BCR: variants seen among roughly 807,000 people sequenced by gnomAD.
BCR encodes the protein breakpoint cluster region protein.
BCR carries 58 observed loss-of-function variants against 138.6 expected under a neutral mutation model. The ratio of observed to expected loss-of-function variants is 0.42; its 90% CI spans 0.34 to 0.52. The LOEUF (loss-of-function observed/expected upper bound fraction) is 0.52, where lower values mean the gene tolerates loss of function less well. BCR is among the 20% of genes least tolerant of loss of function. The probability of loss-of-function intolerance (pLI) is 0.06; values close to 1 mark genes in which losing one functional copy is unlikely to be tolerated. For synonymous variants in BCR, 786 were observed against 730.1 expected (o/e 1.08, Z -1.23); for missense variants, 1,599 against 1,727.2 (o/e 0.93, Z 1.32).
rs1167410305 is a variant in BCR, at chr22:23,182,226, C to T, written c.1266C>T (p.Phe422=). ...GGCCCAACGATGGCGAGGGCGCCTTCCATGGAGACGCAGGTGAGTTCCTCA... is the reference window on the plus strand; with the variant it reads ...GGCCCAACGATGGCGAGGGCGCCTTTCATGGAGACGCAGGTGAGTTCCTCA... ...QIWPNDGEGA[F]HGDADGSFGT... The change falls in exon 1 of 23, where the codon TTC becomes TTT. Residue 422 remains phenylalanine, a synonymous_variant. Coordinates refer to ENST00000305877, the MANE Select transcript of BCR (RefSeq NM_004327.4). 2.5e-6 allele frequency: 4 copies of T among 1,571,500 alleles called. No homozygotes were observed. The highest frequency in any genetic ancestry group is 1.3e-5 in the African/African-American group (1 of 74,396).
chr22:23,300,647 C>T (rs940231610), intron 16 of BCR, among the ~76,000 whole-genome samples: 3 of 152,150 alleles, frequency 2.0e-5, no homozygotes, highest in East Asian at 3.9e-4. Context: ...GACCTCACTG[C>T]GTGGTGGGGA....
chr22:23,288,987 G>A (rs2073751433), intron 12 of BCR, among the ~76,000 whole-genome samples: 1 of 152,176 alleles, frequency 6.6e-6, no homozygotes, highest in Non-Finnish European at 1.5e-5. Context: ...GTGGCCTGGG[G>A]GATCAAGGAT....
intron 4 of BCR, 132 bp downstream of exon 4, chr22:23,261,672 T>A: frequency 1.1e-6 from 1 of 918,688 alleles, no homozygotes; most frequent in Non-Finnish European, 1.6e-6. Context: ...CCTCAAGTGA[T>A]CCACCTGCCT....
intron 16 of BCR, among the ~76,000 whole-genome samples, chr22:23,304,461 T>G (rs2073936872): frequency 6.6e-6 from 1 of 152,222 alleles, no homozygotes; most frequent in African/African-American, 2.4e-5. Flanking sequence ...TATAACATGT[T>G]TTTATTTCTG....
chr22:23,206,826 T>G (rs1470463876), intron 1 of BCR, among the ~76,000 whole-genome samples: 1 of 145,252 alleles, frequency 6.9e-6, no homozygotes, highest in Non-Finnish European at 1.5e-5. Flanking sequence ...ATCCAAACAT[T>G]TATCTATTTA....
At chr22:23,198,474 G>A (rs2072509060) in intron 1 of BCR, 1 of 337,488 alleles carries the variant, frequency 3.0e-6, no homozygotes, top group Admixed American at 4.6e-5. Flanking sequence ...AGGGTGATAT[G>A]GCTTTGCAGG....
chr22:23,209,217 G>A (rs533753064), intron 1 of BCR, among the ~76,000 whole-genome samples: 32 of 151,872 alleles, frequency 2.1e-4, no homozygotes, highest in African/African-American at 7.7e-4. Context: ...AAAATGAACC[G>A]GGTGTGGTGG....
intron 1 of BCR, among the ~76,000 whole-genome samples, chr22:23,207,407 T>A (rs1278500902): frequency 6.6e-6 from 1 of 152,146 alleles, no homozygotes; most frequent in Non-Finnish European, 1.5e-5. Context: ...GAGGGTCGCT[T>A]GAGCCCAGGA....
At chr22:23,240,139 G>A (rs2073072912) in intron 1 of BCR, among the ~76,000 whole-genome samples, 1 of 152,066 alleles carries the variant, frequency 6.6e-6, no homozygotes, top group African/African-American at 2.4e-5. Context: ...AGTCACATTG[G>A]ATTAGGACCT....
chr22:23,297,048 G>C (rs201507565), intron 16 of BCR, among the ~76,000 whole-genome samples: 4 of 151,950 alleles, frequency 2.6e-5, no homozygotes, highest in African/African-American at 9.7e-5. Flanking sequence ...GTTGTTCTTT[G>C]TTTTCTTGAG....
In BCR at chr22:23,311,748, C is replaced by G. The variant is rs148447062; in HGVS notation, c.3234C>G (p.Ile1078Met). Reference sequence around the variant, plus strand: ...TCGTGCGCCAGTGCGTGGAGGAGATCGAGCGCCGAGGCATGGAGGAGGTGG... The same window carrying G: ...TCGTGCGCCAGTGCGTGGAGGAGATGGAGCGCCGAGGCATGGAGGAGGTGG... ...PYIVRQCVEE[I>M]ERRGMEEVGI... The change falls in exon 19 of 23, where the codon ATC becomes ATG. Residue 1078 changes from isoleucine (I) to methionine (M), a missense_variant. Coordinates refer to ENST00000305877, the MANE Select transcript of BCR (RefSeq NM_004327.4). 1.9e-6 allele frequency: 3 copies of G among 1,611,448 alleles called. No individual in the cohort carries two copies. The highest frequency in any genetic ancestry group is 1.7e-6 in the Non-Finnish European group (2 of 1,179,776).
At chr22:23,244,729 T>C (rs886648209) in intron 1 of BCR, among the ~76,000 whole-genome samples, 1 of 152,224 alleles carries the variant, frequency 6.6e-6, no homozygotes, top group African/African-American at 2.4e-5. Context: ...CTTCAGGGTC[T>C]CCAGGAAGTC....
At chr22:23,195,374 C>T (rs1418672647) in intron 1 of BCR, among the ~76,000 whole-genome samples, 4 of 148,458 alleles carry the variant, frequency 2.7e-5, no homozygotes, top group Admixed American at 6.8e-5. Context: ...CATCCAAGAT[C>T]GCGCCATTGC....
chr22:23,265,516 T>C (rs1169827464), intron 4 of BCR, among the ~76,000 whole-genome samples: 3 of 152,216 alleles, frequency 2.0e-5, no homozygotes, highest in Admixed American at 6.5e-5. Flanking sequence ...CGTCCAGTGG[T>C]TCAGAAAGCC....
At chr22:23,228,171 C>CT (rs1481079511) in intron 1 of BCR, among the ~76,000 whole-genome samples, 3 of 152,042 alleles carry the variant, frequency 2.0e-5, no homozygotes, top group Non-Finnish European at 2.9e-5. Flanking sequence ...CTTTGTTCAT[C>CT]TTTTAAAAAA....
chr22:23,219,689 C>T (rs1001072508), intron 1 of BCR, among the ~76,000 whole-genome samples: 3 of 152,200 alleles, frequency 2.0e-5, no homozygotes, highest in South Asian at 2.1e-4. Flanking sequence ...GAGAGTCCCC[C>T]GCCACCCCTC....
intron 1 of BCR, among the ~76,000 whole-genome samples, chr22:23,244,026 A>G (rs891593266): frequency 3.9e-5 from 6 of 152,228 alleles, no homozygotes; most frequent in African/African-American, 1.4e-4. Context: ...TCAGAAGTAC[A>G]GGTGGCCCAG....
chr22:23,195,652 C>T (rs985944167), intron 1 of BCR, among the ~76,000 whole-genome samples: 2 of 152,096 alleles, frequency 1.3e-5, no homozygotes, highest in Admixed American at 6.5e-5. Context: ...TTTGGGAGGC[C>T]GAGGTGGGTG....
At chr22:23,274,243 T>C (rs1028424079) in intron 8 of BCR, among the ~76,000 whole-genome samples, 1 of 152,228 alleles carries the variant, frequency 6.6e-6, no homozygotes, top group African/African-American at 2.4e-5. Flanking sequence ...TTTGTGTCTG[T>C]GACGTGAGAC....
Sources: gnomAD v4.1 joint callset for allele counts (sites outside exome capture counted in the v4.1 genomes callset) on GRCh38, gnomAD v4.1.1 for gene constraint, MANE v1.5 for transcripts, NCBI Gene and HGNC (gene_info 2026-07-23, HGNC 2026-07-21) for gene names.